ST8SIA4: variants seen among roughly 807,000 people sequenced by gnomAD.
The protein encoded by ST8SIA4 is ST8 alpha-N-acetyl-neuraminide alpha-2,8-sialyltransferase 4.
A neutral mutation model predicts 33.9 loss-of-function variants in ST8SIA4; 15 were observed. The observed-to-expected ratio is 0.44, with a 90% CI of 0.30 to 0.68. The LOEUF (loss-of-function observed/expected upper bound fraction) is 0.68, where lower values mean the gene tolerates loss of function less well. Ranked by LOEUF, ST8SIA4 falls within the 30% of genes least tolerant of loss-of-function variation. ST8SIA4 has a pLI of 0.10. For synonymous variants in ST8SIA4, 171 were observed against 151.2 expected (o/e 1.13, Z -0.96); for missense variants, 321 against 428.0 (o/e 0.75, Z 2.21).
chr5:100,813,440 G>T (rs1044666188), intron 4 of ST8SIA4, among the ~76,000 whole-genome samples: 5 of 151,956 alleles, frequency 3.3e-5, no homozygotes, highest in Admixed American at 6.6e-5. Context: ...TGTATGAAAT[G>T]TGTTATGAAC....
At chr5:100,884,080 GT>G (rs1752485856) in intron 3 of ST8SIA4, among the ~76,000 whole-genome samples, 1 of 152,174 alleles carries the variant, frequency 6.6e-6, no homozygotes, top group Admixed American at 6.5e-5. Flanking sequence ...AGTAAAAACA[GT>G]TAAACCAGTT....
chr5:100,845,856 T>C (rs1243042080), intron 4 of ST8SIA4, among the ~76,000 whole-genome samples: 2 of 151,992 alleles, frequency 1.3e-5, no homozygotes, highest in Non-Finnish European at 2.9e-5. Context: ...AAGAGAAAAC[T>C]GTTACTAAAT....
intron 4 of ST8SIA4, among the ~76,000 whole-genome samples, chr5:100,815,420 T>TCTTCCTTCCTTCCTTC (rs536259994): frequency 2.0e-5 from 3 of 151,358 alleles, no homozygotes; most frequent in African/African-American, 2.4e-5. Flanking sequence ...ATCCTTCCTT[T>TCTTCCTTCCTTCCTTC]CTTCCTTCCT....
At chr5:100,840,010 A>C (rs554403452) in intron 4 of ST8SIA4, among the ~76,000 whole-genome samples, 75 of 151,534 alleles carry the variant, frequency 4.9e-4, no homozygotes, top group Non-Finnish European at 9.4e-4. Context: ...ATATTTAAAT[A>C]AAAATATATA....
At chr5:100,849,258 C>T (rs1751634410) in intron 4 of ST8SIA4, 1 of 984,552 alleles carries the variant, frequency 1.0e-6, no homozygotes, top group African/African-American at 1.7e-5. Flanking sequence ...CGATTATATA[C>T]ATTGGTACGT....
intron 3 of ST8SIA4, among the ~76,000 whole-genome samples, chr5:100,876,812 AC>A (rs1752317644): frequency 6.6e-6 from 1 of 151,936 alleles, no homozygotes; most frequent in South Asian, 2.1e-4. Flanking sequence ...ATATTGAGTC[AC>A]TCGGTAGGAA....
In ST8SIA4 at chr5:100,849,592, C is replaced by T. The variant is rs115062070; in HGVS notation, c.797+6511G>A. 5.9e-3 allele frequency: 1,835 copies of T among 310,364 alleles called. 36 individuals carry two copies. Among genetic ancestry groups the T allele is most frequent in the African/African-American group, 0.04 (1,764 of 43,982 alleles). The allele number at this position is 310,364 out of a possible 1,614,324, so 19.2% of individuals were successfully genotyped here. ...AGGTTGCAGTTCGAGAGCAGCCTGG[C>T]CAACATGGTGAAACCCCATCCCTTC... On this transcript the variant is annotated intron_variant, in intron 4 of 4. Transcript: ENST00000231461.
intron 3 of ST8SIA4, among the ~76,000 whole-genome samples, chr5:100,858,580 C>T (rs969866072): frequency 2.0e-5 from 3 of 152,004 alleles, no homozygotes; most frequent in Non-Finnish European, 4.4e-5. Context: ...TCTTGATTTT[C>T]TGGTCATGAA....
At chr5:100,899,032 C>A (rs1752839072) in intron 1 of ST8SIA4, among the ~76,000 whole-genome samples, 1 of 152,114 alleles carries the variant, frequency 6.6e-6, no homozygotes, top group African/African-American at 2.4e-5. Context: ...ACAAATATTT[C>A]CAGGCTTCAC....
chr5:100,857,801 T>C (rs948162473), intron 3 of ST8SIA4, among the ~76,000 whole-genome samples: 15 of 152,032 alleles, frequency 9.9e-5, no homozygotes, highest in African/African-American at 3.6e-4. Flanking sequence ...CAACAACAAA[T>C]ATATTTCATC....
chr5:100,849,122 T>C (rs1227591020), intron 4 of ST8SIA4: 1 of 970,034 alleles, frequency 1.0e-6, no homozygotes, highest in African/African-American at 1.8e-5. Context: ...GTTTAGGAAG[T>C]TACAGAGAAT....
intron 3 of ST8SIA4, among the ~76,000 whole-genome samples, chr5:100,857,435 T>A (rs73159981): frequency 6.6e-6 from 1 of 151,952 alleles, no homozygotes; most frequent in Non-Finnish European, 1.5e-5. Flanking sequence ...TAGGTTTTAG[T>A]TGATAAAAGA....
intron 2 of ST8SIA4, among the ~76,000 whole-genome samples, chr5:100,892,499 C>G (rs1752693859): frequency 6.6e-6 from 1 of 151,886 alleles, no homozygotes; most frequent in Admixed American, 6.6e-5. Flanking sequence ...TTGATGAATA[C>G]ATATGAACCG....
intron 3 of ST8SIA4, among the ~76,000 whole-genome samples, chr5:100,882,939 T>C (rs937917761): frequency 2.0e-5 from 3 of 152,194 alleles, no homozygotes; most frequent in Non-Finnish European, 4.4e-5. Flanking sequence ...TGCTCACGGA[T>C]AACCTCTGCA....
intron 3 of ST8SIA4, chr5:100,885,828 A>G (rs1407641884): frequency 2.3e-6 from 2 of 878,474 alleles, no homozygotes; most frequent in Non-Finnish European, 2.7e-6. Flanking sequence ...ATACTAACAT[A>G]CACAAATACC....
At chr5:100,831,355 C>T (rs1280094759) in intron 4 of ST8SIA4, among the ~76,000 whole-genome samples, 4 of 152,112 alleles carry the variant, frequency 2.6e-5, no homozygotes, top group African/African-American at 9.7e-5. Context: ...GTATAAAATG[C>T]CTTGCAGGTG....
At chr5:100,812,191 A>C in intron 4 of ST8SIA4, 62 bp from the exon 5 acceptor site, 1 of 1,406,854 alleles carries the variant, frequency 7.1e-7, no homozygotes, top group East Asian at 2.3e-5. Context: ...AGCATATCCT[A>C]TAGCAAGTAT....
At chr5:100,852,678 T>C (rs190745382) in intron 4 of ST8SIA4, among the ~76,000 whole-genome samples, 2 of 152,332 alleles carry the variant, frequency 1.3e-5, no homozygotes, top group East Asian at 1.9e-4. Context: ...TTTTACTGAA[T>C]ATGGTTTCAA....
In ST8SIA4 at chr5:100,810,152, A is replaced by G. The variant is rs2112390554; in HGVS notation, c.*1695T>C. The G allele has an allele frequency of 6.6e-6, 1 of 152,324 alleles. No individual in the cohort carries two copies. The highest frequency in any genetic ancestry group is 6.5e-5 in the Admixed American group (1 of 15,300). 9.4% of individuals were successfully genotyped at this position (152,324 alleles called of 1,614,324 possible). ...TCTAAAGAAACAATCTACTATCATA[A>G]GTTACCAGAAAACTGGCCTATTGGT... is the stretch of plus-strand genomic sequence containing the variant. On this transcript the variant is annotated 3_prime_UTR_variant, in exon 5 of 5. Coordinates refer to ENST00000231461, the MANE Select transcript of ST8SIA4 (RefSeq NM_005668.6).
Sources: gnomAD v4.1 joint callset for allele counts (sites outside exome capture counted in the v4.1 genomes callset) on GRCh38, gnomAD v4.1.1 for gene constraint, MANE v1.5 for transcripts, NCBI Gene and HGNC (gene_info 2026-07-23, HGNC 2026-07-21) for gene names.